The following PTPN21 variants were observed in gnomAD, a reference collection of about 807,000 sequenced individuals.
PTPN21 encodes protein tyrosine phosphatase non-receptor type 21.
Under a neutral mutation model 131.8 loss-of-function variants are expected in PTPN21, and 77 were observed. That is an observed-to-expected ratio of 0.58 (90% confidence interval 0.49 to 0.71). PTPN21 has a LOEUF of 0.71. PTPN21 is among the 30% of genes least tolerant of loss of function. The pLI is 0.00. For synonymous variants in PTPN21, 715 were observed against 621.3 expected (o/e 1.15, Z -2.24); for missense variants, 1,552 against 1,527.1 (o/e 1.02, Z -0.27).
intron 1 of PTPN21, chr14:88,551,763 A>G (rs1035820700): frequency 2.6e-5 from 4 of 152,348 alleles, no homozygotes; most frequent in African/African-American, 9.7e-5. Flanking sequence ...CGCAGCCTCG[A>G]ACACCTGGGC....
intron 2 of PTPN21, among the ~76,000 whole-genome samples, chr14:88,539,193 C>T (rs1367589349): frequency 6.6e-6 from 1 of 151,794 alleles, no homozygotes; most frequent in Non-Finnish European, 1.5e-5. Flanking sequence ...AAGCAATTCT[C>T]CTGCCTCAGC....
chr14:88,521,832 T>C (rs951150774), intron 2 of PTPN21, among the ~76,000 whole-genome samples: 7 of 152,164 alleles, frequency 4.6e-5, no homozygotes, highest in African/African-American at 1.7e-4. Context: ...AATTATAAAA[T>C]TTCTGGTTTA....
intron 13 of PTPN21, among the ~76,000 whole-genome samples, chr14:88,474,322 T>C (rs2077518723): frequency 6.6e-6 from 1 of 151,908 alleles, no homozygotes; most frequent in Admixed American, 6.6e-5. Flanking sequence ...CCCGAGTACC[T>C]GGGACTACCA....
chr14:88,500,581 T>C (rs2077992604), intron 8 of PTPN21, among the ~76,000 whole-genome samples: 1 of 152,358 alleles, frequency 6.6e-6, no homozygotes, highest in South Asian at 2.1e-4. Context: ...CATTATACTC[T>C]GGACATAGAG....
chr14:88,467,847 G>C lies in PTPN21; in HGVS notation c.*290C>G, dbSNP rs2077389002. 13 of 342,202 alleles carry C rather than the reference G, an allele frequency of 3.8e-5. No individual in the cohort carries two copies. The South Asian group carries it at 4.2e-4, about 11-fold the overall frequency. 21.2% of individuals were successfully genotyped at this position (342,202 alleles called of 1,614,324 possible). A position where few individuals can be genotyped will look rare whatever the true frequency, so the allele number is the denominator to read the frequency against. On this transcript the variant is annotated 3_prime_UTR_variant, in exon 19 of 19. Transcript: ENST00000556564. ...CTTCAGTAAAATAGAGAATTGTCTA[G>C]AAAATACAATCTCCAAAATGTGTGC...
chr14:88,554,083 G>C (rs1459089915), intron 1 of PTPN21, among the ~76,000 whole-genome samples: 1 of 152,146 alleles, frequency 6.6e-6, no homozygotes, highest in Non-Finnish European at 1.5e-5. Context: ...TTGTCACTTG[G>C]AGCACACGAA....
In PTPN21 at chr14:88,514,448, T is replaced by TC. The variant is rs35280569; in HGVS notation, c.350+2643dup. Among the ~76,000 whole-genome samples the TC allele has an allele frequency of 5.3e-5, 8 of 151,922 alleles. No homozygotes were observed. The East Asian group carries it at 1.5e-3, about 29-fold the overall frequency. On this transcript the variant is annotated intron_variant, in intron 3 of 18. Coordinates refer to ENST00000556564, the MANE Select transcript of PTPN21 (RefSeq NM_007039.4). ...AGATGTATTATTCAGATTGTTGTTC[T>TC]CCCCCTTTGTTTTCTTTTTTCTTTT...
chr14:88,537,881 C>G (rs2078652465), intron 2 of PTPN21, among the ~76,000 whole-genome samples: 2 of 152,146 alleles, frequency 1.3e-5, no homozygotes, highest in African/African-American at 4.8e-5. Context: ...CAGCACATTA[C>G]TGTAGTGAAT....
chr14:88,501,015 G>C, intron 7 of PTPN21, 144 bp from the exon 8 acceptor site: 1 of 663,780 alleles, frequency 1.5e-6, no homozygotes, highest in Non-Finnish European at 2.7e-6. Context: ...GTCTGAATGA[G>C]ATCTATGATC....
chr14:88,492,451 C>T (rs534602791), intron 10 of PTPN21, among the ~76,000 whole-genome samples: 108 of 152,182 alleles, frequency 7.1e-4, no homozygotes, highest in Non-Finnish European at 1.4e-3. Context: ...ACAAAGAAAG[C>T]AGGTTCCTCC....
chr14:88,530,541 T>A (rs2078541904), intron 2 of PTPN21, among the ~76,000 whole-genome samples: 1 of 136,712 alleles, frequency 7.3e-6, no homozygotes. Flanking sequence ...GTTCAAGAGG[T>A]TCATCTAACA....
chr14:88,536,821 C>T (rs1384012202), intron 2 of PTPN21, among the ~76,000 whole-genome samples: 1 of 152,144 alleles, frequency 6.6e-6, no homozygotes, highest in Non-Finnish European at 1.5e-5. Flanking sequence ...GAAGACTTTT[C>T]ATCAGGAAAG....
Position 88,550,507 on chromosome 14 carries a change from T to TA in PTPN21, c.-91_-90insT, listed in dbSNP as rs2078849653. 1 of 1,291,786 alleles carries TA rather than the reference T, an allele frequency of 7.7e-7. No homozygotes were observed. The highest frequency in any genetic ancestry group is 1.5e-5 in the African/African-American group (1 of 66,998). The allele number at this position is 1,291,786 out of a possible 1,614,324, so 80.0% of individuals were successfully genotyped here. A position where few individuals can be genotyped will look rare whatever the true frequency, so the allele number is the denominator to read the frequency against. On this transcript the variant is annotated 5_prime_UTR_variant, in exon 2 of 19. Transcript: ENST00000556564. ...GTGACGCCAGGAGAAAGCGATCCTC[T>TA]CCGGATGGGACGAACACTGTCCGGC...
chr14:88,482,581 C>A (rs1368474449), intron 12 of PTPN21, among the ~76,000 whole-genome samples: 3 of 151,846 alleles, frequency 2.0e-5, no homozygotes, highest in African/African-American at 7.3e-5. Flanking sequence ...CCATTGCACT[C>A]TAGCCTGGAC....
intron 2 of PTPN21, among the ~76,000 whole-genome samples, chr14:88,540,400 A>G (rs1025759735): frequency 3.9e-5 from 6 of 152,326 alleles, no homozygotes; most frequent in African/African-American, 1.4e-4. Context: ...TTACTATTAC[A>G]TGCAGCCATA....
intron 10 of PTPN21, among the ~76,000 whole-genome samples, chr14:88,490,703 C>T (rs188278253): frequency 1.5e-3 from 225 of 152,326 alleles, no homozygotes; most frequent in Non-Finnish European, 1.2e-3. Context: ...AGGTGGACAC[C>T]GGCTGCTATG....
rs2078905298 is a variant in PTPN21, at chr14:88,554,938, GAGGA to G, written c.-494_-491del. Among the ~76,000 whole-genome samples the G allele has an allele frequency of 6.6e-6, 1 of 151,650 alleles. No individual in the cohort carries two copies. Among genetic ancestry groups the G allele is most frequent in the African/African-American group, 2.4e-5 (1 of 41,394 alleles). On this transcript the variant is annotated 5_prime_UTR_variant, in exon 1 of 19. Coordinates refer to ENST00000556564, the MANE Select transcript of PTPN21 (RefSeq NM_007039.4). ...GCCCCGTGGGGGCGGGGGGTGGCAGGAGGACGGACAGACCGTCGGACCGACGCGG... is the reference window on the plus strand; with the variant it reads ...GCCCCGTGGGGGCGGGGGGTGGCAGGCGGACAGACCGTCGGACCGACGCGG...
At chr14:88,546,310 C>A (rs575682379) in intron 2 of PTPN21, among the ~76,000 whole-genome samples, 18 of 151,628 alleles carry the variant, frequency 1.2e-4, no homozygotes, top group African/African-American at 4.1e-4. Context: ...GTAATCCCAG[C>A]ACTTTGGGAG....
At chr14:88,494,060 A>T (rs939597404) in intron 10 of PTPN21, among the ~76,000 whole-genome samples, 1 of 152,166 alleles carries the variant, frequency 6.6e-6, no homozygotes, top group Admixed American at 6.5e-5. Context: ...AGAAATTCAC[A>T]TGGTGCTAAG....
Sources: gnomAD v4.1 joint callset for allele counts (sites outside exome capture counted in the v4.1 genomes callset) on GRCh38, gnomAD v4.1.1 for gene constraint, MANE v1.5 for transcripts, NCBI Gene and HGNC (gene_info 2026-07-23, HGNC 2026-07-21) for gene names.